Variants in C10orf53 observed in about 807,000 individuals in gnomAD.
C10orf53 encodes UPF0728 protein C10orf53.
Under a neutral mutation model 9.4 loss-of-function variants are expected in C10orf53, and 8 were observed. That is an observed-to-expected ratio of 0.85 (90% CI 0.50 to 1.53). C10orf53 has a LOEUF of 1.53. C10orf53 is among the 40% of genes most tolerant of loss of function. The probability of loss-of-function intolerance (pLI) is 0.00; values close to 1 mark genes in which losing one functional copy is unlikely to be tolerated. For synonymous variants in C10orf53, 48 were observed against 46.0 expected, an observed-to-expected ratio of 1.04 and a Z score of -0.18; for missense variants, 117 against 117.8, an observed-to-expected ratio of 0.99 and a Z score of 0.03.
chr10:49,702,639 C>A (rs1840692638), intron 2 of C10orf53, among the ~76,000 whole-genome samples: 1 of 152,236 alleles, frequency 6.6e-6, no homozygotes, highest in South Asian at 2.1e-4. Context: ...ACTCTTGGGT[C>A]TCCAGCTTTC....
intron 1 of C10orf53, among the ~76,000 whole-genome samples, chr10:49,691,995 C>T (rs1171697438): frequency 6.6e-6 from 1 of 152,220 alleles, no homozygotes; most frequent in Non-Finnish European, 1.5e-5. Context: ...GTCCATCCTC[C>T]AGGAGTGTCT....
rs1197089844 is a variant in C10orf53, at chr10:49,694,632, G to A, written c.*30G>A. On this transcript the variant is annotated 3_prime_UTR_variant, in exon 3 of 3. Transcript: ENST00000374111. Reference sequence around the variant, plus strand: ...CTCATGGAACAGGCATCTCAAGTCGGCACAACAGCAGCTGCCCCAGCCATT... The same window carrying A: ...CTCATGGAACAGGCATCTCAAGTCGACACAACAGCAGCTGCCCCAGCCATT... 1 of 1,613,734 alleles carries A rather than the reference G, an allele frequency of 6.2e-7. No homozygotes were observed. Among genetic ancestry groups the A allele is most frequent in the East Asian group, 2.2e-5 (1 of 44,886 alleles).
At chr10:49,682,919 A>G (rs1357258353) in intron 1 of C10orf53, among the ~76,000 whole-genome samples, 1 of 152,196 alleles carries the variant, frequency 6.6e-6, no homozygotes, top group African/African-American at 2.4e-5. Context: ...CATGTATTAT[A>G]CTACTTTATT....
intron 2 of C10orf53, chr10:49,708,283 T>C (rs1270425452): frequency 1.3e-6 from 2 of 1,563,070 alleles, no homozygotes; most frequent in African/African-American, 2.7e-5. Flanking sequence ...TAGGTGAATA[T>C]GAGTGTTCAG....
At position 49,684,952 on chromosome 10, in the gene C10orf53, G is replaced by A. The variant is rs554929534; in HGVS notation, c.97+5158G>A. On this transcript the variant is annotated intron_variant, in intron 1 of 2. Coordinates refer to ENST00000374111, the MANE Select transcript of C10orf53 (RefSeq NM_001042427.3). ...CTTGATCTTAAGGGGAAAACGTTCA[G>A]TGGGCCTCCTTCAATCAGTTGAAGG... Among the ~76,000 whole-genome samples, 116 of 152,328 alleles carry A rather than the reference G, an allele frequency of 7.6e-4. 3 individuals are homozygous for A. In the Middle Eastern group the frequency reaches 0.024, roughly 31 times the overall value.
downstream of C10orf53, among the ~76,000 whole-genome samples, chr10:49,702,258 A>G (rs1417058546): frequency 1.3e-5 from 2 of 151,154 alleles, no homozygotes; most frequent in Non-Finnish European, 3.0e-5. Context: ...GGAGGGAGGG[A>G]CAGTGGTCAA....
chr10:49,698,996 A>G (rs1840659203), downstream of C10orf53, among the ~76,000 whole-genome samples: 1 of 152,108 alleles, frequency 6.6e-6, no homozygotes, highest in African/African-American at 2.4e-5. Flanking sequence ...CAGGGTATCA[A>G]TCTTCTGAAT....
intron 1 of C10orf53, among the ~76,000 whole-genome samples, chr10:49,686,699 AC>A (rs1840532419): frequency 1.3e-5 from 2 of 152,202 alleles, no homozygotes; most frequent in Non-Finnish European, 2.9e-5. Context: ...CCTCAGGCTT[AC>A]TAGGATTGAG....
downstream of C10orf53, among the ~76,000 whole-genome samples, chr10:49,700,343 T>C (rs1024788297): frequency 7.2e-4 from 110 of 152,214 alleles, no homozygotes; most frequent in African/African-American, 2.5e-3. Flanking sequence ...AGGACAGGAC[T>C]ATATTGTCCC....
rs1422306073 is a variant in C10orf53 at position 49,682,755 on chromosome 10, A to G, written c.97+2961A>G. ...GTGCTGATTGGTGCATTTACAATCC[A>G]CTAGCTAGACAGAAAAGTTCTCCAA... On this transcript the variant is annotated intron_variant, in intron 1 of 2. Transcript: ENST00000374111. 2.0e-5 allele frequency among the ~76,000 whole-genome samples: 3 copies of G among 152,186 alleles called. No individual in the cohort carries two copies. In the East Asian group the frequency reaches 5.8e-4, roughly 29 times the overall value.
rs1169401879 is a variant in C10orf53, at chr10:49,696,163, T to G, written c.*1561T>G. On this transcript the variant is annotated 3_prime_UTR_variant, in exon 3 of 3. Transcript: ENST00000374111. ...ACAATTTTGTAAGTTTTTAAAAATT[T>G]TTCAACTTTTATTTTAGATACAGGG... 6.6e-6 allele frequency: 1 copy of G among 152,242 alleles called. No homozygotes were observed. 9.4% of individuals were successfully genotyped at this position (152,242 alleles called of 1,614,324 possible).
At chr10:49,686,214 A>G (rs928162618) in intron 1 of C10orf53, among the ~76,000 whole-genome samples, 1 of 152,208 alleles carries the variant, frequency 6.6e-6, no homozygotes, top group South Asian at 2.1e-4. Flanking sequence ...TAAATTGTGA[A>G]GATTTCATGG....
At chr10:49,700,346 A>G (rs893671768), downstream of C10orf53, among the ~76,000 whole-genome samples, 1 of 152,124 alleles carries the variant, frequency 6.6e-6, no homozygotes, top group African/African-American at 2.4e-5. Context: ...ACAGGACTAT[A>G]TTGTCCCTGT....
downstream of C10orf53, among the ~76,000 whole-genome samples, chr10:49,701,771 A>G (rs900547645): frequency 6.6e-6 from 1 of 151,840 alleles, no homozygotes; most frequent in Non-Finnish European, 1.5e-5. Flanking sequence ...GGAGCATCGC[A>G]TGCCAGCCAC....
exon 3 of C10orf53, chr10:49,708,553 G>A (rs1450934962): frequency 1.9e-6 from 3 of 1,614,198 alleles, no homozygotes; most frequent in Non-Finnish European, 2.5e-6. Flanking sequence ...TGTGACCTGG[G>A]TTGGCCAGGC....
chr10:49,683,046 A>G (rs551104827), intron 1 of C10orf53, among the ~76,000 whole-genome samples: 1 of 152,322 alleles, frequency 6.6e-6, no homozygotes, highest in South Asian at 2.1e-4. Context: ...TGGTAAACAA[A>G]TATCTGTTTG....
intron 1 of C10orf53, among the ~76,000 whole-genome samples, chr10:49,686,316 A>T (rs1042766679): frequency 3.9e-5 from 6 of 152,214 alleles, no homozygotes; most frequent in African/African-American, 1.4e-4. Context: ...TAAACTGAGA[A>T]TGTACGTCAC....
chr10:49,680,662 A>G (rs186902425), intron 1 of C10orf53, among the ~76,000 whole-genome samples: 1 of 152,334 alleles, frequency 6.6e-6, no homozygotes, highest in African/African-American at 2.4e-5. Context: ...AGAGGGGGCA[A>G]GAGTGGAAAC....
intron 1 of C10orf53, among the ~76,000 whole-genome samples, chr10:49,689,464 T>C (rs1246639408): frequency 6.6e-6 from 1 of 152,178 alleles, no homozygotes; most frequent in Admixed American, 6.5e-5. Flanking sequence ...GCAGTGTCTG[T>C]TAAAATGTGA....
Sources: allele counts gnomAD v4.1 joint callset (sites outside exome capture counted in the v4.1 genomes callset), GRCh38; gene constraint gnomAD v4.1.1; transcripts MANE v1.5; gene names NCBI Gene and HGNC (gene_info 2026-07-23, HGNC 2026-07-21).